Variants in ENOPH1 observed in about 807,000 individuals in gnomAD.
The protein encoded by ENOPH1 is enolase-phosphatase 1, also known as enolase-phosphatase E1.
In ENOPH1, 14 loss-of-function variants were observed where a neutral mutation model predicts 31.1. The observed-to-expected ratio is 0.45, with a 90% CI of 0.30 to 0.70. The LOEUF is 0.70. Among genes scored for constraint, ENOPH1 ranks in the 30% least tolerant of loss-of-function variants. The probability of loss-of-function intolerance (pLI) is 0.09; values close to 1 mark genes in which losing one functional copy is unlikely to be tolerated. For synonymous variants in ENOPH1, 127 were observed against 123.2 expected, an observed-to-expected ratio of 1.03 and a Z score of -0.21; for missense variants, 243 against 321.5, an observed-to-expected ratio of 0.76 and a Z score of 1.87.
intron 1 of ENOPH1, among the ~76,000 whole-genome samples, 175 bp downstream of exon 1, chr4:82,431,088 C>T (rs1365543936): frequency 1.3e-5 from 2 of 152,130 alleles, no homozygotes; most frequent in East Asian, 1.9e-4. Flanking sequence ...GGATGCTTTT[C>T]CTCGCGACAC....
intron 1 of ENOPH1, among the ~76,000 whole-genome samples, chr4:82,444,606 A>G (rs1039168875): frequency 1.6e-4 from 25 of 152,222 alleles, no homozygotes; most frequent in African/African-American, 6.0e-4. Context: ...TTACAAGGCA[A>G]CTTTTTAAAT....
chr4:82,455,249 C>T (rs1412548739), intron 4 of ENOPH1, among the ~76,000 whole-genome samples: 1 of 152,168 alleles, frequency 6.6e-6, no homozygotes, highest in Admixed American at 6.5e-5. Context: ...GTAATAAGGT[C>T]GTCACCTGTT....
chr4:82,457,909 C>A (rs777527065), intron 5 of ENOPH1, among the ~76,000 whole-genome samples: 31 of 152,212 alleles, frequency 2.0e-4, no homozygotes, highest in Non-Finnish European at 2.9e-4. Context: ...TCAGATCTTT[C>A]TCTTCTCATT....
chr4:82,450,311 T>C (rs779250485), intron 2 of ENOPH1, among the ~76,000 whole-genome samples: 2 of 152,236 alleles, frequency 1.3e-5, no homozygotes, highest in Non-Finnish European at 2.9e-5. Context: ...ATAAATGTTA[T>C]AACAAAATGA....
At chr4:82,432,241 T>A (rs928193992) in intron 1 of ENOPH1, among the ~76,000 whole-genome samples, 2 of 152,200 alleles carry the variant, frequency 1.3e-5, no homozygotes, top group Admixed American at 1.3e-4. Flanking sequence ...TGTACACTTT[T>A]AGGACACCAA....
chr4:82,445,244 A>G (rs1722146714), intron 1 of ENOPH1, among the ~76,000 whole-genome samples: 1 of 152,070 alleles, frequency 6.6e-6, no homozygotes, highest in African/African-American at 2.4e-5. Context: ...AGAAAAAAAA[A>G]ATTCTTATAA....
intron 1 of ENOPH1, 73 bp downstream of exon 1, chr4:82,430,986 C>G (rs1351324333): frequency 7.2e-7 from 1 of 1,397,672 alleles, no homozygotes; most frequent in East Asian, 2.4e-5. Context: ...GTATTTCAGG[C>G]CTTGCATTGG....
Position 82,460,000 on chromosome 4 carries a change from A to G in ENOPH1, c.666A>G (p.Glu222=). Reference sequence around the variant, plus strand: ...TCACAGAGGCCAGTGCTGCTGAGGAAGCAGATGTGCACGTAGCTGTGGTGG... The same window carrying G: ...TCACAGAGGCCAGTGCTGCTGAGGAGGCAGATGTGCACGTAGCTGTGGTGG... ...DVTREASAAE[E]ADVHVAVVVR... The change falls in exon 6 of 6, where the codon GAA becomes GAG. Residue 222 remains glutamate, a synonymous_variant. Transcript: ENST00000273920. 6.2e-7 allele frequency: 1 copy of G among 1,613,948 alleles called. No individual in the cohort carries two copies. The highest frequency in any genetic ancestry group is 8.5e-7 in the Non-Finnish European group (1 of 1,180,024).
At chr4:82,448,606 G>C (rs931425183) in intron 2 of ENOPH1, among the ~76,000 whole-genome samples, 4 of 150,874 alleles carry the variant, frequency 2.7e-5, no homozygotes, top group African/African-American at 9.7e-5. Context: ...ATATTGTTAG[G>C]CAATTTAAAT....
At chr4:82,430,958 A>C in intron 1 of ENOPH1, 45 bp downstream of exon 1, 1 of 1,565,642 alleles carries the variant, frequency 6.4e-7, no homozygotes, top group South Asian at 1.1e-5. Context: ...CCTTAAAAAC[A>C]GTTATTATTT....
intron 3 of ENOPH1, among the ~76,000 whole-genome samples, chr4:82,452,006 T>A (rs1024637712): frequency 6.6e-6 from 1 of 152,110 alleles, no homozygotes; most frequent in Non-Finnish European, 1.5e-5. Context: ...GTCTCAAACT[T>A]CTGGGCTTGA....
rs1722609848 is a variant in ENOPH1 at position 82,460,164 on chromosome 4, C to T, written c.*44C>T. The T allele has an allele frequency of 6.2e-7, 1 of 1,605,938 alleles. No individual in the cohort carries two copies. Among genetic ancestry groups the T allele is most frequent in the Non-Finnish European group, 8.5e-7 (1 of 1,173,770 alleles). On this transcript the variant is annotated 3_prime_UTR_variant, in exon 6 of 6. Coordinates refer to ENST00000273920, the MANE Select transcript of ENOPH1 (RefSeq NM_021204.5). ...GACCGCCCTGTTCCCCAGAGTTGTCCCTGTAGTGTCTAGGTTTATTCTAAT... is the reference window on the plus strand; with the variant it reads ...GACCGCCCTGTTCCCCAGAGTTGTCTCTGTAGTGTCTAGGTTTATTCTAAT...
At chr4:82,444,797 C>G (rs1722138241) in intron 1 of ENOPH1, among the ~76,000 whole-genome samples, 2 of 152,180 alleles carry the variant, frequency 1.3e-5, no homozygotes, top group Non-Finnish European at 2.9e-5. Context: ...ATCATAACAA[C>G]TCCCTAAGTG....
rs373452553 is a variant in ENOPH1, at chr4:82,451,177, C to T, written c.321C>T (p.Thr107=). The stretch of plus-strand genomic sequence containing the variant: ...GGCAGATGTCCCTGGATCGAAAGAC[C>T]ACTGCACTCAAACAGCTGCAGGGCC... The part of the protein sequence containing the change: ...VCWQMSLDRK[T]TALKQLQGHM... Residue 107 remains threonine (T), a synonymous_variant, in exon 3 of 6, where the codon ACC becomes ACT. Transcript: ENST00000273920. The T allele has an allele frequency of 2.9e-5, 47 of 1,614,070 alleles. No homozygotes were observed. Among genetic ancestry groups the T allele is most frequent in the Middle Eastern group, 3.3e-4 (2 of 6,082 alleles).
At chr4:82,436,909 A>G (rs1274645858) in intron 1 of ENOPH1, among the ~76,000 whole-genome samples, 1 of 152,046 alleles carries the variant, frequency 6.6e-6, no homozygotes, top group Admixed American at 6.6e-5. Flanking sequence ...CGTCATCATC[A>G]TCATCATCAT....
chr4:82,460,947 A>C lies in ENOPH1; in HGVS notation c.*827A>C, dbSNP rs1048832181. 6.6e-6 allele frequency: 1 copy of C among 152,246 alleles called. No individual in the cohort carries two copies. The highest frequency in any genetic ancestry group is 1.5e-5 in the Non-Finnish European group (1 of 68,032). 9.4% of individuals were successfully genotyped at this position (152,246 alleles called of 1,614,324 possible). A position where few individuals can be genotyped will look rare whatever the true frequency, so the allele number is the denominator to read the frequency against. On this transcript the variant is annotated 3_prime_UTR_variant, in exon 6 of 6. Transcript: ENST00000273920. ...ACTGAAATCAGTCCATAACATTAAG[A>C]TGAGCCCTAATATGTAAGATTTTCC...
intron 4 of ENOPH1, 137 bp downstream of exon 4, chr4:82,454,991 A>G: frequency 2.7e-6 from 2 of 753,094 alleles, no homozygotes; most frequent in South Asian, 2.0e-5. Context: ...GAAAATAATC[A>G]CTTTTAATTA....
chr4:82,440,684 C>G (rs1722016562), intron 1 of ENOPH1, among the ~76,000 whole-genome samples: 1 of 152,190 alleles, frequency 6.6e-6, no homozygotes, highest in Admixed American at 6.5e-5. Flanking sequence ...AATTACTAGC[C>G]CTCTTGTACT....
At chr4:82,457,590 TG>T (rs1722524241) in intron 5 of ENOPH1, among the ~76,000 whole-genome samples, 1 of 152,146 alleles carries the variant, frequency 6.6e-6, no homozygotes, top group Non-Finnish European at 1.5e-5. Flanking sequence ...TTTAACTCCT[TG>T]TCCGTGATTT....
Sources: allele counts gnomAD v4.1 joint callset (sites outside exome capture counted in the v4.1 genomes callset), GRCh38; gene constraint gnomAD v4.1.1; transcripts MANE v1.5; gene names NCBI Gene and HGNC (gene_info 2026-07-23, HGNC 2026-07-21).